SAA4: variants seen among roughly 807,000 people sequenced by gnomAD.
SAA4 encodes the protein serum amyloid A4, constitutive.
Under a neutral mutation model 11.2 loss-of-function variants are expected in SAA4, and 8 were observed. The ratio of observed to expected loss-of-function variants is 0.71; its 90% CI spans 0.42 to 1.29. SAA4 has a LOEUF of 1.29. Ranked by LOEUF, SAA4 falls within the 50% of genes most tolerant of loss-of-function variation. The pLI, the probability that SAA4 is intolerant of heterozygous loss-of-function variation, is 0.01. For synonymous variants in SAA4, 60 were observed against 56.2 expected (o/e 1.07, Z -0.30); for missense variants, 171 against 164.2 (o/e 1.04, Z -0.23).
At chr11:18,232,665 C>G in intron 2 of SAA4, 132 bp from the exon 3 acceptor site, 1 of 1,340,572 alleles carries the variant, frequency 7.5e-7, no homozygotes, top group Non-Finnish European at 1.0e-6. Context: ...TGGAGATAAA[C>G]ATTACTTCCT....
chr11:18,235,538 G>A (rs1473739378), intron 2 of SAA4, among the ~76,000 whole-genome samples: 2 of 152,140 alleles, frequency 1.3e-5, no homozygotes, highest in Non-Finnish European at 2.9e-5. Context: ...ATCATGCCCT[G>A]AGAAATCTGC....
chr11:18,234,509 G>A (rs760612350), intron 2 of SAA4, among the ~76,000 whole-genome samples: 1 of 152,180 alleles, frequency 6.6e-6, no homozygotes, highest in African/African-American at 2.4e-5. Context: ...GTCTATCAGT[G>A]CCTGTGTTGT....
chr11:18,235,043 T>C (rs1032101166), intron 2 of SAA4, among the ~76,000 whole-genome samples: 1 of 152,230 alleles, frequency 6.6e-6, no homozygotes, highest in African/African-American at 2.4e-5. Context: ...GGAAAAGATA[T>C]TCTCTACTAT....
intron 2 of SAA4, among the ~76,000 whole-genome samples, chr11:18,233,194 T>C (rs1297752265): frequency 6.6e-6 from 1 of 152,184 alleles, no homozygotes; most frequent in Non-Finnish European, 1.5e-5. Flanking sequence ...ATCAGACTTA[T>C]CATGAAGGGC....
intron 2 of SAA4, among the ~76,000 whole-genome samples, chr11:18,235,282 C>T (rs1857192260): frequency 1.3e-5 from 2 of 152,210 alleles, no homozygotes; most frequent in African/African-American, 4.8e-5. Flanking sequence ...ATTCGTTTCC[C>T]ATCCAGAATG....
intron 2 of SAA4, among the ~76,000 whole-genome samples, chr11:18,235,464 G>C (rs1332769595): frequency 6.6e-6 from 1 of 152,182 alleles, no homozygotes; most frequent in Non-Finnish European, 1.5e-5. Context: ...TGCTAGGCAT[G>C]TCTCAGTCTT....
At position 18,231,467 on chromosome 11, in the gene SAA4, A is replaced by C; in HGVS notation, c.*35T>G. 2 of 1,599,218 alleles carry C rather than the reference A, an allele frequency of 1.3e-6. No individual in the cohort carries two copies. Among genetic ancestry groups the C allele is most frequent in the Non-Finnish European group, 1.7e-6 (2 of 1,174,352 alleles). ...CTGGGGGGAGAAGTGTGTGGCTCAC[A>C]GCCCAGTTTCCCTGAGAGCAGAGGA... On this transcript the variant is annotated 3_prime_UTR_variant, in exon 4 of 4. Transcript: ENST00000278222.
intron 2 of SAA4, among the ~76,000 whole-genome samples, chr11:18,233,718 T>C (rs1033104446): frequency 6.6e-6 from 1 of 151,472 alleles, no homozygotes. Context: ...TCTCACTTTG[T>C]TGCTCGGGCT....
intron 2 of SAA4, among the ~76,000 whole-genome samples, chr11:18,235,566 A>C (rs1857196960): frequency 6.6e-6 from 1 of 152,182 alleles, no homozygotes; most frequent in South Asian, 2.1e-4. Context: ...AAATTTCCGC[A>C]GTGGGAGATA....
Position 18,232,375 on chromosome 11 carries a change from T to A in SAA4, c.230+20A>T. On this transcript the variant is annotated intron_variant, in intron 3 of 3. Transcript: ENST00000278222. ...AGGCACTGCTGGCCTCTCACTGGAG[T>A]CCCCGGGAATCTGTGTTACCTGATG... 1 of 1,611,768 alleles carries A rather than the reference T, an allele frequency of 6.2e-7. No homozygotes were observed. Among genetic ancestry groups the A allele is most frequent in the Non-Finnish European group, 8.5e-7 (1 of 1,179,032 alleles).
At position 18,232,376 on chromosome 11, in the gene SAA4, C is replaced by A; in HGVS notation, c.230+19G>T. 1 of 1,612,242 alleles carries A rather than the reference C, an allele frequency of 6.2e-7. No individual in the cohort carries two copies. Among genetic ancestry groups the A allele is most frequent in the Non-Finnish European group, 8.5e-7 (1 of 1,179,170 alleles). ...GGCACTGCTGGCCTCTCACTGGAGT[C>A]CCCGGGAATCTGTGTTACCTGATGA... On this transcript the variant is annotated intron_variant, in intron 3 of 3. Coordinates refer to ENST00000278222, the MANE Select transcript of SAA4 (RefSeq NM_006512.4).
At chr11:18,234,962 T>C (rs534826471) in intron 2 of SAA4, among the ~76,000 whole-genome samples, 1 of 152,322 alleles carries the variant, frequency 6.6e-6, no homozygotes, top group East Asian at 1.9e-4. Context: ...AGAGTGTACT[T>C]TTAAAACAAA....
At chr11:18,236,200 C>T (rs1590007714) in intron 1 of SAA4, among the ~76,000 whole-genome samples, 1 of 149,902 alleles carries the variant, frequency 6.7e-6, no homozygotes, top group African/African-American at 2.4e-5. Context: ...GGACTACAAA[C>T]GTGCACCATC....
chr11:18,232,320 C>G (rs1480671770), intron 3 of SAA4, 75 bp downstream of exon 3: 1 of 1,560,822 alleles, frequency 6.4e-7, no homozygotes, highest in Non-Finnish European at 8.7e-7. Flanking sequence ...GGGGAAAGAG[C>G]CACAGGTTCT....
intron 2 of SAA4, among the ~76,000 whole-genome samples, chr11:18,235,502 C>T (rs1857196095): frequency 6.6e-6 from 1 of 152,128 alleles, no homozygotes; most frequent in Non-Finnish European, 1.5e-5. Context: ...TCAGTATATT[C>T]CCTGAGGTGG....
chr11:18,233,509 GGTTTT>G (rs2134126323), intron 2 of SAA4, among the ~76,000 whole-genome samples: 1 of 151,996 alleles, frequency 6.6e-6, no homozygotes, highest in East Asian at 1.9e-4. Flanking sequence ...AATTGTTTTG[GGTTTT>G]GTTTTTTGTT....
chr11:18,232,488 T>C lies in SAA4; in HGVS notation c.137A>G (p.Asn46Ser), dbSNP rs1246794642. 7 of 1,614,038 alleles carry C rather than the reference T, an allele frequency of 4.3e-6. No homozygotes were observed. The highest frequency in any genetic ancestry group is 2.7e-5 in the African/African-American group (2 of 74,914). ...GAGATATCTGTTTGAATTTTGGTGA[T>C]TGGATATCATTATGTCCCAATAGGC... ...GRAYWDIMIS[N>S]HQNSNRYLYA... The change falls in exon 3 of 4, where the codon AAT becomes AGT. Residue 46 changes from asparagine (N) to serine (S), a missense_variant. Transcript: ENST00000278222.
intron 2 of SAA4, among the ~76,000 whole-genome samples, chr11:18,233,817 C>A (rs553182139): frequency 1.3e-5 from 2 of 151,858 alleles, no homozygotes; most frequent in Non-Finnish European, 2.9e-5. Flanking sequence ...GCCCAGCTCT[C>A]GTAATTGTTC....
intron 2 of SAA4, among the ~76,000 whole-genome samples, chr11:18,232,871 C>T (rs1439570789): frequency 6.6e-6 from 1 of 151,888 alleles, no homozygotes. Context: ...AGTTGTCATG[C>T]CCTGGGCTAC....
Sources: gnomAD v4.1 joint callset for allele counts (sites outside exome capture counted in the v4.1 genomes callset) on GRCh38, gnomAD v4.1.1 for gene constraint, MANE v1.5 for transcripts, NCBI Gene and HGNC (gene_info 2026-07-23, HGNC 2026-07-21) for gene names.